WDR27: variants seen among roughly 807,000 people sequenced by gnomAD.
WDR27 encodes the protein WD repeat-containing protein 27.
WDR27 carries 100 observed loss-of-function variants against 114.4 expected under a neutral mutation model. The ratio of observed to expected loss-of-function variants is 0.87; its 90% CI spans 0.74 to 1.03. The LOEUF (loss-of-function observed/expected upper bound fraction) is 1.03, where lower values mean the gene tolerates loss of function less well. Ranked by LOEUF, WDR27 falls within the 50% of genes least tolerant of loss-of-function variation. The pLI is 0.00. For synonymous variants in WDR27, 449 were observed against 423.1 expected (o/e 1.06, Z -0.75); for missense variants, 1,129 against 1,092.9 (o/e 1.03, Z -0.47).
chr6:169,559,469 CA>C (rs1428466302), intron 25 of WDR27: 45 of 152,234 alleles, frequency 3.0e-4, no homozygotes, highest in African/African-American at 1.1e-3. Flanking sequence ...CATGAAAACA[CA>C]CATTTGAAAC....
At position 169,634,450 on chromosome 6, in the gene WDR27, C is replaced by T. The variant is rs752364602; in HGVS notation, c.2079G>A (p.Ser693=). 15 of 1,612,616 alleles carry T rather than the reference C, an allele frequency of 9.3e-6. No individual in the cohort carries two copies. The highest frequency in any genetic ancestry group is 4.5e-5 in the East Asian group (2 of 44,852). The change falls in exon 20 of 26, where the codon TCG becomes TCA. Residue 693 remains serine, a synonymous_variant. Transcript: ENST00000448612. ...TACGGGAATAAAAGTCGTTGACTGC[C>T]GATAAACTGGTCATGTCTACTGCAC... The part of the protein sequence containing the change: ...TTGAVDMTSL[S]AVNDFYSHIV...
the WDR27 span, among the ~76,000 whole-genome samples, chr6:169,427,276 C>T: frequency 1.3e-5 from 2 of 152,126 alleles, no homozygotes; most frequent in African/African-American, 4.8e-5. Flanking sequence ...GTAGGTGGAT[C>T]TGAGAACTAT....
chr6:169,477,792 T>A (rs1306535157), intron 25 of WDR27, among the ~76,000 whole-genome samples: 1 of 152,204 alleles, frequency 6.6e-6, no homozygotes, highest in Non-Finnish European at 1.5e-5. Flanking sequence ...AGAAATCCCA[T>A]ATGTATTTAT....
At chr6:169,586,983 T>G (rs1309747569) in intron 23 of WDR27, among the ~76,000 whole-genome samples, 3 of 151,446 alleles carry the variant, frequency 2.0e-5, no homozygotes, top group South Asian at 2.1e-4. Flanking sequence ...GCAGGTGGTG[T>G]TTTTTTCCCT....
At position 169,602,352 on chromosome 6, in the gene WDR27, AATC is replaced by A. The variant is rs1180199818; in HGVS notation, c.2322-34_2322-32del. 4.9e-6 allele frequency: 7 copies of A among 1,427,390 alleles called. No individual in the cohort carries two copies. In the East Asian group the frequency reaches 1.8e-4, roughly 36 times the overall value. The allele number at this position is 1,427,390 out of a possible 1,614,324, so 88.4% of individuals were successfully genotyped here. A position where few individuals can be genotyped will look rare whatever the true frequency, so the allele number is the denominator to read the frequency against. ...GGGAGGAAAGAAACACCAGGAGAAAAATCATTTTAAAATTTGAATGCAAATTAG... is the reference window on the plus strand; with the variant it reads ...GGGAGGAAAGAAACACCAGGAGAAAAATTTTAAAATTTGAATGCAAATTAG... On this transcript the variant is annotated intron_variant, in intron 22 of 25. Transcript: ENST00000448612.
intron 25 of WDR27, among the ~76,000 whole-genome samples, chr6:169,551,784 C>T (rs1336110670): frequency 6.6e-6 from 1 of 150,650 alleles, no homozygotes; most frequent in African/African-American, 2.4e-5. Context: ...AAAAACGTGT[C>T]TTATTAGCAG....
At chr6:169,687,337 A>C (rs1226191897) in intron 2 of WDR27, among the ~76,000 whole-genome samples, 1 of 152,124 alleles carries the variant, frequency 6.6e-6, no homozygotes, top group Non-Finnish European at 1.5e-5. Context: ...TGCAAACTAA[A>C]GGGACAGAAA....
intron 22 of WDR27, among the ~76,000 whole-genome samples, chr6:169,611,833 C>T (rs1810610533): frequency 1.3e-5 from 2 of 152,158 alleles, no homozygotes; most frequent in Admixed American, 1.3e-4. Context: ...GCTGTCATCT[C>T]CCTCTGATAA....
intron 22 of WDR27, among the ~76,000 whole-genome samples, chr6:169,602,872 CTG>C (rs1292812990): frequency 6.6e-6 from 1 of 150,470 alleles, no homozygotes; most frequent in African/African-American, 2.5e-5. Context: ...GAATCTCACT[CTG>C]TCTGTCACCC....
intron 25 of WDR27, among the ~76,000 whole-genome samples, chr6:169,544,643 C>T (rs900782539): frequency 5.9e-5 from 9 of 152,058 alleles, no homozygotes; most frequent in South Asian, 2.1e-4. Flanking sequence ...CCATGTTGGC[C>T]GAGCTGGTCT....
chr6:169,582,600 C>T (rs1205367921), intron 24 of WDR27, among the ~76,000 whole-genome samples: 1 of 152,122 alleles, frequency 6.6e-6, no homozygotes, highest in Admixed American at 6.5e-5. Flanking sequence ...TGCTGAGTGG[C>T]AAACACCTTC....
At chr6:169,522,376 G>C (rs1389525787) in intron 25 of WDR27, among the ~76,000 whole-genome samples, 1 of 151,792 alleles carries the variant, frequency 6.6e-6, no homozygotes, top group Non-Finnish European at 1.5e-5. Flanking sequence ...ATAATAACAG[G>C]GAACTTCAAT....
chr6:169,643,633 T>C, intron 17 of WDR27, 64 bp downstream of exon 17: 2 of 1,404,508 alleles, frequency 1.4e-6, no homozygotes, highest in Non-Finnish European at 2.0e-6. Flanking sequence ...TAGCAACTGA[T>C]AACCAGGACC....
rs758780656 is a variant in WDR27 at position 169,662,393 on chromosome 6, CA to C, written c.935del (p.Leu312ArgfsTer9). On this transcript the variant is annotated frameshift_variant, in exon 9 of 26. Coordinates refer to ENST00000448612, the MANE Select transcript of WDR27 (RefSeq NM_182552.5). LOFTEE classifies it high-confidence loss of function. ...EESQLPSTSA[L>X]GKGEQVEVTF... ...TTACTTCAACCTGCTCTCCTTTTCC[CA>C]GAGCACTTGTAGAGGGAAGCTGGCT... is the stretch of plus-strand genomic sequence containing the variant. 5 of 1,614,036 alleles carry C rather than the reference CA, an allele frequency of 3.1e-6. No homozygotes were observed. Among genetic ancestry groups the C allele is most frequent in the South Asian group, 1.1e-5 (1 of 91,088 alleles).
intron 25 of WDR27, among the ~76,000 whole-genome samples, chr6:169,489,447 G>A (rs571033789): frequency 4.6e-5 from 7 of 152,318 alleles, no homozygotes; most frequent in South Asian, 4.1e-4. Flanking sequence ...CCCATCGCCC[G>A]CTGTGATCTA....
At chr6:169,611,258 T>C (rs919313317) in intron 22 of WDR27, among the ~76,000 whole-genome samples, 1 of 151,924 alleles carries the variant, frequency 6.6e-6, no homozygotes, top group Non-Finnish European at 1.5e-5. Context: ...AATATTTTTA[T>C]TTCCTCAGTA....
chr6:169,537,014 A>C (rs1247560222), intron 25 of WDR27, among the ~76,000 whole-genome samples: 1 of 152,226 alleles, frequency 6.6e-6, no homozygotes, highest in Non-Finnish European at 1.5e-5. Context: ...AATCCTGCTA[A>C]AACCAGAACA....
chr6:169,695,855 G>A (rs995599805), intron 1 of WDR27, among the ~76,000 whole-genome samples: 1 of 152,186 alleles, frequency 6.6e-6, no homozygotes, highest in African/African-American at 2.4e-5. Flanking sequence ...TTGGGATGAT[G>A]ATGCACTGTG....
chr6:169,459,441 G>A (rs1784653061), intron 25 of WDR27, among the ~76,000 whole-genome samples: 1 of 151,968 alleles, frequency 6.6e-6, no homozygotes, highest in African/African-American at 2.4e-5. Flanking sequence ...AAGGGAATGT[G>A]GGACACCATC....
Sources: gnomAD v4.1 joint callset for allele counts (sites outside exome capture counted in the v4.1 genomes callset) on GRCh38, gnomAD v4.1.1 for gene constraint, MANE v1.5 for transcripts, NCBI Gene and HGNC (gene_info 2026-07-23, HGNC 2026-07-21) for gene names.